Variants in STXBP6 observed in about 807,000 individuals in gnomAD.
STXBP6 encodes the protein syntaxin-binding protein 6.
A neutral mutation model predicts 26.9 loss-of-function variants in STXBP6; 21 were observed. That is an observed-to-expected ratio of 0.78 (90% CI 0.55 to 1.12). The LOEUF (loss-of-function observed/expected upper bound fraction) is 1.12. STXBP6 is among the 50% of genes most tolerant of loss of function. The pLI, the probability that STXBP6 is intolerant of heterozygous loss-of-function variation, is 0.00. For synonymous variants in STXBP6, 97 were observed against 92.6 expected (o/e 1.05, Z -0.27); for missense variants, 232 against 257.9 (o/e 0.90, Z 0.69).
At chr14:24,940,387 A>G (rs2072758817) in intron 2 of STXBP6, among the ~76,000 whole-genome samples, 2 of 152,220 alleles carry the variant, frequency 1.3e-5, no homozygotes, top group Admixed American at 1.3e-4. Flanking sequence ...ATTCATATTG[A>G]AAGCATTCTG....
At chr14:24,840,053 T>C (rs1042496707) in intron 4 of STXBP6, among the ~76,000 whole-genome samples, 78 of 152,218 alleles carry the variant, frequency 5.1e-4, no homozygotes, top group African/African-American at 1.8e-3. Flanking sequence ...AGGTATATTA[T>C]GTTATTTAAT....
intron 4 of STXBP6, among the ~76,000 whole-genome samples, chr14:24,820,392 T>G (rs961953675): frequency 1.4e-4 from 21 of 152,272 alleles, no homozygotes; most frequent in African/African-American, 4.8e-4. Flanking sequence ...TTAGTAAATG[T>G]TTTTCCATTT....
chr14:24,912,281 G>C (rs1458457108), intron 2 of STXBP6, among the ~76,000 whole-genome samples: 1 of 152,102 alleles, frequency 6.6e-6, no homozygotes, highest in Non-Finnish European at 1.5e-5. Flanking sequence ...GCAAAACCAA[G>C]GTCCTAGACT....
intron 2 of STXBP6, among the ~76,000 whole-genome samples, chr14:24,901,591 A>G (rs956601566): frequency 1.3e-5 from 2 of 152,212 alleles, no homozygotes; most frequent in African/African-American, 4.8e-5. Flanking sequence ...CTTTATTCAT[A>G]ATAACCCAAA....
rs1439851040 is a variant in STXBP6, at chr14:25,049,135, C to A, written c.-33+743G>T. On this transcript the variant is annotated intron_variant, in intron 1 of 5. Transcript: ENST00000323944. This position sits in a 1 kb window ranked among gnomAD's most constrained non-coding sequence, Gnocchi z 5.6. The stretch of plus-strand genomic sequence containing the variant: ...AGGTCCTGTCCTCTGTGAAGATGAA[C>A]GGGGTGGGGTGGTGAGGTGGCGGGG... 5.1e-6 allele frequency: 5 copies of A among 983,042 alleles called. No individual in the cohort carries two copies. Among genetic ancestry groups the A allele is most frequent in the African/African-American group, 1.7e-5 (1 of 57,202 alleles). 60.9% of individuals were successfully genotyped at this position (983,042 alleles called of 1,614,324 possible).
intron 3 of STXBP6, among the ~76,000 whole-genome samples, chr14:24,856,430 A>G (rs146678911): frequency 2.7e-4 from 41 of 152,246 alleles, no homozygotes; most frequent in African/African-American, 8.9e-4. Flanking sequence ...GCAACGACCT[A>G]TATTAATCTG....
At chr14:24,884,998 G>A (rs2070520631) in intron 2 of STXBP6, among the ~76,000 whole-genome samples, 1 of 152,108 alleles carries the variant, frequency 6.6e-6, no homozygotes, top group East Asian at 1.9e-4. Context: ...TAGCTTTTCC[G>A]AGACTTCATT....
intron 2 of STXBP6, among the ~76,000 whole-genome samples, chr14:24,892,494 G>C (rs2070827489): frequency 6.6e-6 from 1 of 152,150 alleles, no homozygotes; most frequent in African/African-American, 2.4e-5. Flanking sequence ...AGAAATCATG[G>C]AGTTGCATCC....
intron 2 of STXBP6, among the ~76,000 whole-genome samples, chr14:24,932,955 A>C (rs2072470361): frequency 6.6e-6 from 1 of 152,220 alleles, no homozygotes; most frequent in Non-Finnish European, 1.5e-5. Context: ...GTGACTGGGC[A>C]GCTGAATGTA....
intron 4 of STXBP6, among the ~76,000 whole-genome samples, chr14:24,820,353 A>G (rs1413251543): frequency 6.6e-6 from 1 of 152,198 alleles, no homozygotes; most frequent in Non-Finnish European, 1.5e-5. Context: ...GATCTCAGGC[A>G]AAGAAAGTGC....
At chr14:24,945,511 A>G (rs1017190263) in intron 2 of STXBP6, among the ~76,000 whole-genome samples, 2 of 152,066 alleles carry the variant, frequency 1.3e-5, no homozygotes, top group Admixed American at 6.6e-5. Flanking sequence ...TTGAGGCTGG[A>G]GTAAGCTATG....
At chr14:25,039,167 AT>A (rs2075602015) in intron 1 of STXBP6, among the ~76,000 whole-genome samples, 1 of 152,240 alleles carries the variant, frequency 6.6e-6, no homozygotes, top group African/African-American at 2.4e-5. Flanking sequence ...TAAATACAAA[AT>A]TTTAAAAAAG....
intron 2 of STXBP6, among the ~76,000 whole-genome samples, chr14:24,944,931 G>C (rs527490104): frequency 8.5e-5 from 13 of 152,112 alleles, no homozygotes; most frequent in African/African-American, 2.7e-4. Context: ...TAAGATCTCA[G>C]AGATTCTACT....
intron 1 of STXBP6, among the ~76,000 whole-genome samples, chr14:25,034,925 C>A (rs1394820972): frequency 3.3e-5 from 5 of 151,960 alleles, no homozygotes; most frequent in Non-Finnish European, 5.9e-5. Flanking sequence ...CCAAGGGGGG[C>A]AGATCACCCG....
intron 2 of STXBP6, among the ~76,000 whole-genome samples, chr14:24,969,464 T>C (rs1219800031): frequency 6.6e-6 from 1 of 152,236 alleles, no homozygotes; most frequent in African/African-American, 2.4e-5. Context: ...GTTTCTAGTT[T>C]AGCTTTATAG....
chr14:24,938,073 T>G (rs1026173535), intron 2 of STXBP6, among the ~76,000 whole-genome samples: 1 of 152,214 alleles, frequency 6.6e-6, no homozygotes, highest in African/African-American at 2.4e-5. Flanking sequence ...ATGCACACAT[T>G]GTACAAGACA....
At chr14:24,954,575 G>A (rs1316114131) in intron 2 of STXBP6, among the ~76,000 whole-genome samples, 1 of 152,178 alleles carries the variant, frequency 6.6e-6, no homozygotes, top group South Asian at 2.1e-4. Flanking sequence ...ACTAAGATCT[G>A]CGTGAGAGCT....
chr14:25,020,014 G>A (rs1490588051), intron 1 of STXBP6, among the ~76,000 whole-genome samples: 3 of 151,978 alleles, frequency 2.0e-5, no homozygotes, highest in South Asian at 2.1e-4. Flanking sequence ...TGATGGGCCT[G>A]CTTGGTTTCA....
chr14:24,828,527 T>G (rs1442303999), intron 4 of STXBP6, among the ~76,000 whole-genome samples: 1 of 152,190 alleles, frequency 6.6e-6, no homozygotes, highest in Non-Finnish European at 1.5e-5. Flanking sequence ...TACATACCAA[T>G]GTATGTATTT....
Sources: gnomAD v4.1 joint callset for allele counts (sites outside exome capture counted in the v4.1 genomes callset) on GRCh38, gnomAD v4.1.1 for gene constraint, Gnocchi (gnomAD v3.1) non-coding constraint, MANE v1.5 for transcripts, NCBI Gene and HGNC (gene_info 2026-07-23, HGNC 2026-07-21) for gene names.